LPIN1: variants seen among roughly 807,000 people sequenced by gnomAD.
The protein encoded by LPIN1 is phosphatidate phosphatase LPIN1.
LPIN1 carries 71 observed loss-of-function variants against 107.5 expected under a neutral mutation model. The observed-to-expected ratio is 0.66, with a 90% confidence interval of 0.55 to 0.80. The LOEUF (loss-of-function observed/expected upper bound fraction) is 0.80. Ranked by LOEUF, LPIN1 falls within the 30% of genes least tolerant of loss-of-function variation. The pLI, the probability that LPIN1 is intolerant of heterozygous loss-of-function variation, is 0.00. For missense variants in LPIN1, 1,043 were observed against 1,160.6 expected (o/e 0.90, Z 1.47); for synonymous variants, 445 against 452.6 (o/e 0.98, Z 0.21).
rs114119630 is a variant in LPIN1, at chr2:11,786,479, A to G, written c.1550-595A>G. On this transcript the variant is annotated intron_variant, in intron 10 of 20. Transcript: ENST00000674199. The surrounding 1 kb of genome is among the most constrained non-coding windows in gnomAD (Gnocchi z 4.1). ...GAGGTCTGGGCCTCCTGACCCTGCC[A>G]CCTTCTCCTTTGCTCTGATCCTGGT... Among the ~76,000 whole-genome samples the G allele has an allele frequency of 0.017, 2,541 of 152,102 alleles. 68 individuals are homozygous for G. Among genetic ancestry groups the G allele is most frequent in the African/African-American group, 0.058 (2,394 of 41,506 alleles).
At chr2:11,802,656 T>C (rs1677958593) in intron 14 of LPIN1, among the ~76,000 whole-genome samples, 1 of 152,044 alleles carries the variant, frequency 6.6e-6, no homozygotes, top group East Asian at 1.9e-4. Flanking sequence ...TGGCTTAAAA[T>C]AGTGGTGGTA....
At chr2:11,768,808 T>C (rs906040353) in intron 3 of LPIN1, among the ~76,000 whole-genome samples, 2 of 152,016 alleles carry the variant, frequency 1.3e-5, no homozygotes, top group Non-Finnish European at 2.9e-5. Context: ...TGGTGGCGGG[T>C]GCCTGTAGTC....
intron 7 of LPIN1, among the ~76,000 whole-genome samples, chr2:11,780,273 A>T (rs1236122932): frequency 1.3e-5 from 2 of 152,376 alleles, no homozygotes; most frequent in Middle Eastern, 6.8e-3. Context: ...GTAAACAAAA[A>T]TAGCTTCCAG....
At chr2:11,810,271 A>G (rs1679425460) in intron 17 of LPIN1, among the ~76,000 whole-genome samples, 2 of 152,160 alleles carry the variant, frequency 1.3e-5, no homozygotes, top group Non-Finnish European at 2.9e-5. Flanking sequence ...GTTAATTTTG[A>G]TTGACCAGAG....
intron 1 of LPIN1, chr2:11,682,715 G>A (rs1661788514): frequency 6.6e-6 from 1 of 152,116 alleles, no homozygotes; most frequent in African/African-American, 2.4e-5. Context: ...TCCAGTAAAT[G>A]TCACACTCCC....
chr2:11,785,185 G>C, intron 10 of LPIN1, 109 bp downstream of exon 10: 1 of 793,190 alleles, frequency 1.3e-6, no homozygotes, highest in South Asian at 1.9e-5. Flanking sequence ...CTTGGTTGCG[G>C]TTAATGATAG....
upstream of LPIN1, among the ~76,000 whole-genome samples, chr2:11,743,017 G>C (rs1191223249): frequency 8.5e-5 from 13 of 152,220 alleles, no homozygotes; most frequent in Non-Finnish European, 5.9e-5. This position sits in a 1 kb window ranked among gnomAD's most constrained non-coding sequence, Gnocchi z 4.7. Context: ...CTTGCTTGGG[G>C]ACAGGGCAGG....
At chr2:11,810,232 G>A (rs1257059150) in intron 17 of LPIN1, among the ~76,000 whole-genome samples, 2 of 152,182 alleles carry the variant, frequency 1.3e-5, no homozygotes, top group Admixed American at 1.3e-4. Flanking sequence ...TGTGAAAGAT[G>A]TTGGTTTTTG....
upstream of LPIN1, among the ~76,000 whole-genome samples, chr2:11,721,384 A>C (rs768093429): frequency 7.3e-5 from 11 of 151,214 alleles, no homozygotes; most frequent in Non-Finnish European, 1.0e-4. Flanking sequence ...CCATGGCTAA[A>C]ATGTGTCCTG....
intron 1 of LPIN1, among the ~76,000 whole-genome samples, chr2:11,700,125 C>A (rs550184179): frequency 6.6e-6 from 1 of 152,124 alleles, no homozygotes; most frequent in East Asian, 1.9e-4. Context: ...TGCAAGTGAG[C>A]CCAATGGCCT....
Position 11,786,816 on chromosome 2 carries a change from T to A in LPIN1, c.1550-258T>A, listed in dbSNP as rs1674665192. Among the ~76,000 whole-genome samples, 1 of 152,256 alleles carries A rather than the reference T, an allele frequency of 6.6e-6. No individual in the cohort carries two copies. Among genetic ancestry groups the A allele is most frequent in the Non-Finnish European group, 1.5e-5 (1 of 68,042 alleles). On this transcript the variant is annotated intron_variant, in intron 10 of 20. Coordinates refer to ENST00000674199, the MANE Select transcript of LPIN1 (RefSeq NM_001349206.2). The surrounding 1 kb of genome is among the most constrained non-coding windows in gnomAD (Gnocchi z 4.1). Reference sequence around the variant, plus strand: ...GCTGTTTTCACCCCTACTCCCTGTGTGAACGTATGTGCCTCAACTAAGGTA... The same window carrying A: ...GCTGTTTTCACCCCTACTCCCTGTGAGAACGTATGTGCCTCAACTAAGGTA...
chr2:11,797,267 C>T (rs969341839), intron 14 of LPIN1, among the ~76,000 whole-genome samples: 4 of 152,220 alleles, frequency 2.6e-5, no homozygotes, highest in African/African-American at 7.2e-5. Flanking sequence ...CACCTCTCAG[C>T]GTCTCCATCT....
chr2:11,811,931 G>A (rs946452332), intron 17 of LPIN1, among the ~76,000 whole-genome samples: 16 of 152,198 alleles, frequency 1.1e-4, no homozygotes, highest in African/African-American at 3.9e-4. Flanking sequence ...GTAGCAGTGA[G>A]CTGAGATCGT....
chr2:11,743,023 G>A (rs1454569370), upstream of LPIN1, among the ~76,000 whole-genome samples: 2 of 152,210 alleles, frequency 1.3e-5, no homozygotes, highest in Non-Finnish European at 2.9e-5. The surrounding 1 kb of genome is among the most constrained non-coding windows in gnomAD (Gnocchi z 4.7). Context: ...TGGGGACAGG[G>A]CAGGTCAAAT....
chr2:11,767,903 T>G (rs1671189564), intron 3 of LPIN1, 45 bp downstream of exon 3: 1 of 1,202,766 alleles, frequency 8.3e-7, no homozygotes, highest in Non-Finnish European at 1.2e-6. Context: ...GTTTTGAGCT[T>G]TGAGTAATGG....
intron 1 of LPIN1, among the ~76,000 whole-genome samples, chr2:11,711,806 C>T (rs983711180): frequency 5.9e-5 from 9 of 152,192 alleles, no homozygotes; most frequent in East Asian, 1.9e-4. Flanking sequence ...ATCCTCCATG[C>T]GGAGGTCAGT....
At chr2:11,805,361 A>C in intron 17 of LPIN1, 2 of 644,756 alleles carry the variant, frequency 3.1e-6, no homozygotes, top group East Asian at 5.5e-5. Context: ...ATTCAATACC[A>C]AGAAACAAGG....
intron 17 of LPIN1, among the ~76,000 whole-genome samples, chr2:11,806,481 A>T (rs559819027): frequency 6.6e-6 from 1 of 152,236 alleles, no homozygotes; most frequent in Admixed American, 6.5e-5. Flanking sequence ...CGATAGTCCC[A>T]GCTATTTGGG....
At chr2:11,793,628 T>C (rs1374201637) in intron 13 of LPIN1, among the ~76,000 whole-genome samples, 1 of 152,208 alleles carries the variant, frequency 6.6e-6, no homozygotes, top group Non-Finnish European at 1.5e-5. Flanking sequence ...GCTTTGCACA[T>C]GCTATTTTCA....
Sources: allele counts gnomAD v4.1 joint callset (sites outside exome capture counted in the v4.1 genomes callset), GRCh38; gene constraint gnomAD v4.1.1; non-coding constraint Gnocchi (gnomAD v3.1); transcripts MANE v1.5; gene names NCBI Gene and HGNC (gene_info 2026-07-23, HGNC 2026-07-21).